MAML2: variants seen among roughly 807,000 people sequenced by gnomAD.
The protein encoded by MAML2 is mastermind like transcriptional coactivator 2, also known as mastermind-like protein 2.
MAML2 carries 22 observed loss-of-function variants against 96.1 expected under a neutral mutation model. That is an observed-to-expected ratio of 0.23 (90% CI 0.16 to 0.33). The LOEUF is 0.33. Ranked by LOEUF, MAML2 falls within the 10% of genes least tolerant of loss-of-function variation. The probability of loss-of-function intolerance (pLI) is 1.00; values close to 1 mark genes in which losing one functional copy is unlikely to be tolerated. For synonymous variants in MAML2, 561 were observed against 521.3 expected, an observed-to-expected ratio of 1.08 and a Z score of -1.04; for missense variants, 1,367 against 1,392.4, an observed-to-expected ratio of 0.98 and a Z score of 0.29.
rs181302926 is a variant in MAML2, at chr11:96,066,555, T to C, written c.2139+25337A>G. 5.3e-5 allele frequency among the ~76,000 whole-genome samples: 8 copies of C among 152,320 alleles called. No individual in the cohort carries two copies. In the East Asian group the frequency reaches 1.5e-3, roughly 29 times the overall value. On this transcript the variant is annotated intron_variant, in intron 2 of 4. Coordinates refer to ENST00000524717, the MANE Select transcript of MAML2 (RefSeq NM_032427.4). The stretch of plus-strand genomic sequence containing the variant: ...GATGTTGAATCTAATGATGTTTCCT[T>C]GGATAAGAGTTTAGACCTAAAGTGA...
At chr11:96,229,605 A>G (rs945837474) in intron 1 of MAML2, among the ~76,000 whole-genome samples, 1 of 147,890 alleles carries the variant, frequency 6.8e-6, no homozygotes, top group Admixed American at 6.8e-5. Flanking sequence ...AGAAGCTACC[A>G]TGGTGCCTTG....
chr11:96,326,358 C>CGTGTGTGT lies in MAML2; in HGVS notation c.513+15017_513+15024dup, dbSNP rs35138919. On this transcript the variant is annotated intron_variant, in intron 1 of 4. Coordinates refer to ENST00000524717, the MANE Select transcript of MAML2 (RefSeq NM_032427.4). ...AACTCTATTTTTAATCACACTAAAG[C>CGTGTGTGT]GTGTGTGTGTGTGTGTGTGTGTGTG... Among the ~76,000 whole-genome samples the CGTGTGTGT allele has an allele frequency of 4.8e-3, 710 of 147,744 alleles. 1 individual carries two copies. The highest frequency in any genetic ancestry group is 0.017 in the African/African-American group (674 of 39,498).
Position 95,999,131 on chromosome 11 carries a change from C to A in MAML2, c.2140-7408G>T, listed in dbSNP as rs181475599. Among the ~76,000 whole-genome samples, 183 of 152,272 alleles carry A rather than the reference C, an allele frequency of 1.2e-3. 1 individual carries two copies. Among genetic ancestry groups the A allele is most frequent in the Admixed American group, 2.8e-3 (43 of 15,288 alleles). On this transcript the variant is annotated intron_variant, in intron 2 of 4. Coordinates refer to ENST00000524717, the MANE Select transcript of MAML2 (RefSeq NM_032427.4). ...TGTCCCAGCCTTCTACCAGTGTATT[C>A]ACCACTAACCTTTTCTTTAAATTTT...
intron 1 of MAML2, among the ~76,000 whole-genome samples, chr11:96,182,248 A>G (rs1861497985): frequency 6.6e-6 from 1 of 152,246 alleles, no homozygotes; most frequent in Admixed American, 6.5e-5. Flanking sequence ...TGTTCTACAA[A>G]TATCGAAACA....
At chr11:95,992,743 A>G (rs945156790) in intron 2 of MAML2, among the ~76,000 whole-genome samples, 4 of 152,230 alleles carry the variant, frequency 2.6e-5, no homozygotes, top group Admixed American at 2.0e-4. Context: ...TCAGCTTATA[A>G]GGCAGATGCC....
At chr11:96,259,204 G>A (rs917340118) in intron 1 of MAML2, among the ~76,000 whole-genome samples, 1 of 152,148 alleles carries the variant, frequency 6.6e-6, no homozygotes, top group African/African-American at 2.4e-5. Context: ...GTGAAGGCCA[G>A]CCCCCTTCAA....
Position 95,979,827 on chromosome 11 carries a change from A to G in MAML2, c.2592T>C (p.Val864=). The G allele has an allele frequency of 6.2e-7, 1 of 1,613,920 alleles. No individual in the cohort carries two copies. The highest frequency in any genetic ancestry group is 8.5e-7 in the Non-Finnish European group (1 of 1,179,848). The change falls in exon 5 of 5, where the codon GTT becomes GTC. Residue 864 remains valine, a synonymous_variant. Coordinates refer to ENST00000524717, the MANE Select transcript of MAML2 (RefSeq NM_032427.4). ...GATTTCCATACATCCCCATATTCTG[A>G]ACTGCTGTAGATAATGATGGCATTC... ...GTRMPSLSTA[V]QNMGMYGNLP... is the part of the protein sequence containing the mutation.
intron 1 of MAML2, among the ~76,000 whole-genome samples, chr11:96,284,223 C>G (rs1444765829): frequency 1.3e-5 from 2 of 152,232 alleles, no homozygotes; most frequent in African/African-American, 2.4e-5. Flanking sequence ...TCCACTCCCA[C>G]AAATTTCTTC....
At chr11:96,240,919 T>C (rs879143849) in intron 1 of MAML2, among the ~76,000 whole-genome samples, 1 of 152,188 alleles carries the variant, frequency 6.6e-6, no homozygotes, top group Admixed American at 6.5e-5. Flanking sequence ...CTCAAATATA[T>C]AATAATTCCC....
intron 2 of MAML2, among the ~76,000 whole-genome samples, chr11:96,039,843 A>G (rs1858779024): frequency 6.6e-6 from 1 of 151,110 alleles, no homozygotes. Context: ...CTGTAGTCCC[A>G]GCTACTCAGG....
At chr11:96,176,884 A>C (rs954927685) in intron 1 of MAML2, among the ~76,000 whole-genome samples, 1 of 152,206 alleles carries the variant, frequency 6.6e-6, no homozygotes, top group Non-Finnish European at 1.5e-5. Context: ...CCTGATCGGC[A>C]TACCACCAGG....
intron 1 of MAML2, among the ~76,000 whole-genome samples, chr11:96,275,477 G>A (rs1591108840): frequency 6.6e-6 from 1 of 151,940 alleles, no homozygotes; most frequent in East Asian, 1.9e-4. Context: ...GGCCGTGTTA[G>A]CCAGGATGGT....
At chr11:96,062,477 A>G (rs1305281163) in intron 2 of MAML2, among the ~76,000 whole-genome samples, 2 of 152,222 alleles carry the variant, frequency 1.3e-5, no homozygotes, top group East Asian at 3.8e-4. Context: ...GGAAATACAC[A>G]TGGTAATGAT....
At chr11:96,133,725 G>A (rs1306657548) in intron 1 of MAML2, among the ~76,000 whole-genome samples, 2 of 152,182 alleles carry the variant, frequency 1.3e-5, no homozygotes, top group Admixed American at 6.5e-5. Context: ...CAGGCATGGG[G>A]GCTCATGCCT....
intron 1 of MAML2, among the ~76,000 whole-genome samples, chr11:96,306,853 T>C (rs1465943676): frequency 6.6e-6 from 1 of 152,202 alleles, no homozygotes; most frequent in Non-Finnish European, 1.5e-5. Context: ...TGCTTTTCAG[T>C]TGGAGTGAGC....
At chr11:96,299,639 A>C (rs181062266) in intron 1 of MAML2, among the ~76,000 whole-genome samples, 68 of 152,172 alleles carry the variant, frequency 4.5e-4, no homozygotes, top group Middle Eastern at 6.8e-3. Flanking sequence ...GTGGATGAAC[A>C]CCCTAGCTCC....
chr11:96,288,630 A>G (rs1194848407), intron 1 of MAML2, among the ~76,000 whole-genome samples: 1 of 152,224 alleles, frequency 6.6e-6, no homozygotes, highest in East Asian at 1.9e-4. Context: ...CAAGCAACAA[A>G]TGGTAATACC....
At chr11:96,080,603 T>C (rs1859515448) in intron 2 of MAML2, among the ~76,000 whole-genome samples, 1 of 152,226 alleles carries the variant, frequency 6.6e-6, no homozygotes, top group Non-Finnish European at 1.5e-5. Context: ...GTTACGTCTC[T>C]CATTCCCATG....
At chr11:96,233,204 T>G (rs1862320508) in intron 1 of MAML2, among the ~76,000 whole-genome samples, 1 of 152,210 alleles carries the variant, frequency 6.6e-6, no homozygotes, top group South Asian at 2.1e-4. Context: ...ATACTGGATT[T>G]GTTCTAGAGA....
Sources: gnomAD v4.1 joint callset for allele counts (sites outside exome capture counted in the v4.1 genomes callset) on GRCh38, gnomAD v4.1.1 for gene constraint, MANE v1.5 for transcripts, NCBI Gene and HGNC (gene_info 2026-07-23, HGNC 2026-07-21) for gene names.